Variants in RSBN1L observed in about 807,000 individuals in gnomAD.
RSBN1L encodes the protein lysine-specific demethylase RSBN1L.
RSBN1L carries 30 observed loss-of-function variants against 67.7 expected under a neutral mutation model. The ratio of observed to expected loss-of-function variants is 0.44; its 90% CI spans 0.33 to 0.60. The LOEUF (loss-of-function observed/expected upper bound fraction) is 0.60, where lower values mean the gene tolerates loss of function less well. Among genes scored for constraint, RSBN1L ranks in the 20% least tolerant of loss-of-function variants. The pLI, the probability that RSBN1L is intolerant of heterozygous loss-of-function variation, is 0.02. For missense variants in RSBN1L, 992 were observed against 1,031.7 expected (o/e 0.96, Z 0.53); for synonymous variants, 433 against 387.0 (o/e 1.12, Z -1.39).
chr7:77,751,920 T>C (rs1791561628), intron 3 of RSBN1L, among the ~76,000 whole-genome samples: 1 of 152,238 alleles, frequency 6.6e-6, no homozygotes, highest in Non-Finnish European at 1.5e-5. Flanking sequence ...TTTGATACTA[T>C]GCAAGTTTGC....
intron 1 of RSBN1L, among the ~76,000 whole-genome samples, chr7:77,702,926 C>G (rs1193234139): frequency 6.6e-6 from 1 of 152,070 alleles, no homozygotes; most frequent in Non-Finnish European, 1.5e-5. Context: ...CTCATTTAAT[C>G]TTAGTTACCT....
chr7:77,729,868 C>T (rs374193558), intron 1 of RSBN1L, among the ~76,000 whole-genome samples: 34 of 152,088 alleles, frequency 2.2e-4, no homozygotes, highest in East Asian at 3.9e-4. Flanking sequence ...GTAGGAGGAT[C>T]GCTTGAGCCT....
Position 77,751,332 on chromosome 7 carries a change from G to T in RSBN1L, c.1344+1268G>T, listed in dbSNP as rs554684913. ...TTTTTGTATTTTTGGTAGAGACAGGGTTTCGCTATGTTGGCCAGGGTGGTC... is the reference window on the plus strand; with the variant it reads ...TTTTTGTATTTTTGGTAGAGACAGGTTTTCGCTATGTTGGCCAGGGTGGTC... On this transcript the variant is annotated intron_variant, in intron 3 of 7. Coordinates refer to ENST00000334955, the MANE Select transcript of RSBN1L (RefSeq NM_198467.3). Among the ~76,000 whole-genome samples the T allele has an allele frequency of 3.3e-5, 5 of 152,224 alleles. No homozygotes were observed. In the East Asian group the frequency reaches 9.7e-4, roughly 29 times the overall value.
Position 77,778,990 on chromosome 7 carries a change from C to G in RSBN1L, c.2363C>G (p.Ala788Gly). The change falls in exon 8 of 8, where the codon GCA becomes GGA. Residue 788 changes from alanine to glycine, a missense_variant. Coordinates refer to ENST00000334955, the MANE Select transcript of RSBN1L (RefSeq NM_198467.3). ...LNNMDGKNVK[A>G]KLDHVQFAEF... ...AATATGGATGGCAAGAATGTTAAAG[C>G]AAAATTGGATCATGTTCAATTTGCA... The G allele has an allele frequency of 1.2e-6, 2 of 1,613,870 alleles. No homozygotes were observed. Among genetic ancestry groups the G allele is most frequent in the Non-Finnish European group, 1.7e-6 (2 of 1,179,870 alleles).
intron 3 of RSBN1L, among the ~76,000 whole-genome samples, chr7:77,756,718 C>T (rs537652873): frequency 6.6e-6 from 1 of 152,208 alleles, no homozygotes; most frequent in African/African-American, 2.4e-5. Context: ...GCGGAGGGTG[C>T]AGTGAGCCGA....
intron 1 of RSBN1L, among the ~76,000 whole-genome samples, chr7:77,729,315 C>G (rs1221523446): frequency 6.6e-6 from 1 of 152,186 alleles, no homozygotes; most frequent in East Asian, 1.9e-4. Context: ...GGCCCCATAG[C>G]TGCAAGGTCA....
chr7:77,718,077 G>T (rs1449543217), intron 1 of RSBN1L, among the ~76,000 whole-genome samples: 2 of 152,112 alleles, frequency 1.3e-5, no homozygotes, highest in African/African-American at 2.4e-5. Flanking sequence ...CTTTGAAAGG[G>T]CAGTATGGTA....
chr7:77,735,825 G>A (rs1355152729), intron 1 of RSBN1L, among the ~76,000 whole-genome samples: 1 of 152,104 alleles, frequency 6.6e-6, no homozygotes, highest in East Asian at 1.9e-4. Context: ...GAGTTATTAT[G>A]CCCTTTATTT....
chr7:77,756,369 G>GTGA (rs918599620), intron 3 of RSBN1L, among the ~76,000 whole-genome samples: 4 of 152,080 alleles, frequency 2.6e-5, no homozygotes, highest in Non-Finnish European at 5.9e-5. Flanking sequence ...CTGACTTCAG[G>GTGA]TGATCTACCT....
chr7:77,704,522 C>G (rs1237754187), intron 1 of RSBN1L, among the ~76,000 whole-genome samples: 1 of 152,026 alleles, frequency 6.6e-6, no homozygotes, highest in African/African-American at 2.4e-5. Context: ...TCTGGGTGTA[C>G]CCATTATGCT....
intron 1 of RSBN1L, among the ~76,000 whole-genome samples, chr7:77,705,708 C>CA (rs1790883023): frequency 6.6e-6 from 1 of 151,554 alleles, no homozygotes; most frequent in African/African-American, 2.4e-5. Flanking sequence ...GACAGGGTTT[C>CA]ACCATGTTGA....
intron 6 of RSBN1L, among the ~76,000 whole-genome samples, chr7:77,777,702 T>C (rs1001210437): frequency 2.6e-5 from 4 of 152,082 alleles, no homozygotes; most frequent in African/African-American, 7.2e-5. Flanking sequence ...TGATTTTCTT[T>C]ATGTTGTTTG....
chr7:77,759,999 GT>G (rs1273035197), intron 3 of RSBN1L, among the ~76,000 whole-genome samples: 1 of 152,142 alleles, frequency 6.6e-6, no homozygotes, highest in African/African-American at 2.4e-5. Context: ...TTTCAAGTGA[GT>G]CGTTCTTTGG....
At chr7:77,774,215 T>A (rs1401581272) in intron 6 of RSBN1L, among the ~76,000 whole-genome samples, 1 of 152,238 alleles carries the variant, frequency 6.6e-6, no homozygotes, top group Non-Finnish European at 1.5e-5. Context: ...TTATTCTTTT[T>A]AATATACTTG....
intron 2 of RSBN1L, among the ~76,000 whole-genome samples, chr7:77,737,280 A>G (rs1036786611): frequency 1.3e-5 from 2 of 152,198 alleles, no homozygotes; most frequent in Admixed American, 1.3e-4. Context: ...CAAATTTACT[A>G]GTGCTATCAT....
chr7:77,707,756 A>C (rs182746415), intron 1 of RSBN1L, among the ~76,000 whole-genome samples: 1 of 152,224 alleles, frequency 6.6e-6, no homozygotes, highest in Non-Finnish European at 1.5e-5. Context: ...ACTGGCATCT[A>C]TATCAAGCAC....
chr7:77,755,143 G>T (rs1015098396), intron 3 of RSBN1L, among the ~76,000 whole-genome samples: 3 of 152,138 alleles, frequency 2.0e-5, no homozygotes, highest in African/African-American at 7.2e-5. Flanking sequence ...GGAAGGAAGA[G>T]CAGAGGTACC....
In RSBN1L at chr7:77,778,870, A is replaced by G. The variant is rs750097668; in HGVS notation, c.2243A>G (p.Glu748Gly). 6.2e-7 allele frequency: 1 copy of G among 1,614,028 alleles called. No individual in the cohort carries two copies. Among genetic ancestry groups the G allele is most frequent in the East Asian group, 2.2e-5 (1 of 44,866 alleles). ...TCAGATAAACTTCATTCTAAATATG[A>G]ATTACAGCAGATTAAACATGAACCT... ...VFSDKLHSKY[E>G]LQQIKHEPIA... is the part of the protein sequence containing the mutation. Residue 748 changes from glutamate (E) to glycine (G), a missense_variant, in exon 8 of 8, where the codon GAA becomes GGA. Around this residue, in one of 7 missense-constraint regions of RSBN1L, gnomAD observed 199 missense variants for 167.7 expected, o/e 1.19. Coordinates refer to ENST00000334955, the MANE Select transcript of RSBN1L (RefSeq NM_198467.3).
In RSBN1L at chr7:77,750,019, A is replaced by G; in HGVS notation, c.1299A>G (p.Gly433=). The change falls in exon 3 of 8, where the codon GGA becomes GGG. Residue 433 remains glycine, a synonymous_variant. Transcript: ENST00000334955. ...PNSPVKMEIL[G]KKDIETTTMS... ...CACCAGTGAAAATGGAGATATTGGG[A>G]AAGAAAGATATAGAGACAACGACTA... The G allele has an allele frequency of 1.2e-6, 2 of 1,612,890 alleles. No homozygotes were observed. Among genetic ancestry groups the G allele is most frequent in the South Asian group, 1.1e-5 (1 of 90,862 alleles).
Sources: allele counts gnomAD v4.1 joint callset (sites outside exome capture counted in the v4.1 genomes callset), GRCh38; gene constraint gnomAD v4.1.1; regional missense constraint gnomAD v4.1.1; transcripts MANE v1.5; gene names NCBI Gene and HGNC (gene_info 2026-07-23, HGNC 2026-07-21).